Variants in ANKRD36 observed in about 807,000 individuals in gnomAD.
ANKRD36 encodes the protein ankyrin repeat domain-containing protein 36A.
ANKRD36 carries 179 observed loss-of-function variants against 278.1 expected under a neutral mutation model. The ratio of observed to expected loss-of-function variants is 0.64; its 90% CI spans 0.57 to 0.73. The LOEUF (loss-of-function observed/expected upper bound fraction) is 0.73. Among genes scored for constraint, ANKRD36 ranks in the 30% least tolerant of loss-of-function variants. The probability of loss-of-function intolerance (pLI) is 0.00; values close to 1 mark genes in which losing one functional copy is unlikely to be tolerated. For missense variants in ANKRD36, 1,159 were observed against 1,956.7 expected, an observed-to-expected ratio of 0.59 and a Z score of 7.69; for synonymous variants, 320 against 641.1, an observed-to-expected ratio of 0.50 and a Z score of 7.57.
intron 24 of ANKRD36, 62 bp from the exon 25 acceptor site, chr2:97,181,536 A>G: frequency 1.3e-6 from 2 of 1,598,832 alleles, no homozygotes; most frequent in African/African-American, 1.3e-5. Flanking sequence ...ACACTGCATG[A>G]ATGTATGGAT....
chr2:97,136,782 T>C (rs1297809351), intron 6 of ANKRD36, among the ~76,000 whole-genome samples: 1 of 152,048 alleles, frequency 6.6e-6, no homozygotes, highest in Non-Finnish European at 1.5e-5. Context: ...CTGGTTCATT[T>C]GTCCAGAAAT....
chr2:97,131,850 G>A lies in ANKRD36; in HGVS notation c.799+4716G>A, dbSNP rs558429274. On this transcript the variant is annotated intron_variant, in intron 6 of 75. Coordinates refer to ENST00000420699, the MANE Select transcript of ANKRD36 (RefSeq NM_001354587.1). ...TTATTAATAGATTTTTTTTTTTGAG[G>A]CTGAGTCTCGCTCTGTTGCCCAGGC... Among the ~76,000 whole-genome samples the A allele has an allele frequency of 9.3e-4, 141 of 151,280 alleles. No individual in the cohort carries two copies. In the South Asian group the frequency reaches 0.014, roughly 15 times the overall value.
chr2:97,150,344 G>T (rs886348228), intron 12 of ANKRD36, among the ~76,000 whole-genome samples: 10 of 151,944 alleles, frequency 6.6e-5, no homozygotes. Context: ...CTTAGTTATT[G>T]AAAAAATAAT....
intron 66 of ANKRD36, among the ~76,000 whole-genome samples, chr2:97,220,631 G>A (rs1290465822): frequency 6.7e-6 from 1 of 150,182 alleles, no homozygotes; most frequent in African/African-American, 2.5e-5. Context: ...TTTTTCTGTT[G>A]ATGTACATTT....
chr2:97,206,721 G>C (rs752833076), intron 52 of ANKRD36, among the ~76,000 whole-genome samples: 18 of 151,456 alleles, frequency 1.2e-4, no homozygotes, highest in Non-Finnish European at 2.5e-4. Context: ...GATTTTGGCT[G>C]CTTCAGGAAC....
chr2:97,125,570 T>A (rs2038364654), intron 5 of ANKRD36, among the ~76,000 whole-genome samples: 1 of 151,116 alleles, frequency 6.6e-6, no homozygotes, highest in Admixed American at 6.7e-5. Flanking sequence ...ACAGTGTTCT[T>A]CTTTATTGCT....
In ANKRD36 at chr2:97,193,716, A is replaced by G. The variant is rs905764158; in HGVS notation, c.2449+663A>G. Among the ~76,000 whole-genome samples, 10 of 151,804 alleles carry G rather than the reference A, an allele frequency of 6.6e-5. No individual in the cohort carries two copies. In the South Asian group the frequency reaches 1.0e-3, roughly 16 times the overall value. On this transcript the variant is annotated intron_variant, in intron 38 of 75. Transcript: ENST00000420699. ...ACTGACCCATTACTCCTCTGTTACT[A>G]TTAGGCATCAGAGATACATGTTTTG... is the stretch of plus-strand genomic sequence containing the variant.
In ANKRD36 at chr2:97,202,477, G is replaced by A. The variant is rs184566406; in HGVS notation, c.2959+84G>A. Reference sequence around the variant, plus strand: ...CCCCAAATAAATCAGCGGGGGGCTCGTCGAAGCTGCACTTTCTGATTCAGC... The same window carrying A: ...CCCCAAATAAATCAGCGGGGGGCTCATCGAAGCTGCACTTTCTGATTCAGC... On this transcript the variant is annotated intron_variant, in intron 48 of 75. Coordinates refer to ENST00000420699, the MANE Select transcript of ANKRD36 (RefSeq NM_001354587.1). The A allele has an allele frequency of 6.8e-4, 1,035 of 1,521,048 alleles. No homozygotes were observed. In the African/African-American group the frequency reaches 0.01, roughly 15 times the overall value. The allele number at this position is 1,521,048 out of a possible 1,614,324, so 94.2% of individuals were successfully genotyped here.
intron 4 of ANKRD36, among the ~76,000 whole-genome samples, 186 bp downstream of exon 4, chr2:97,123,179 G>A (rs1420106246): frequency 6.6e-6 from 1 of 151,782 alleles, no homozygotes; most frequent in Non-Finnish European, 1.5e-5. Context: ...GTAACATAAA[G>A]AACAGTGTAT....
intron 6 of ANKRD36, among the ~76,000 whole-genome samples, chr2:97,131,890 A>G (rs893294171): frequency 2.7e-4 from 40 of 147,624 alleles, no homozygotes; most frequent in Admixed American, 6.8e-4. Context: ...GTGCAGTGGC[A>G]CGATCTCGGC....
In ANKRD36 at chr2:97,179,756, C is replaced by G. The variant is rs914803212; in HGVS notation, c.1652C>G (p.Pro551Arg). 22 of 1,593,378 alleles carry G rather than the reference C, an allele frequency of 1.4e-5. No homozygotes were observed. Among genetic ancestry groups the G allele is most frequent in the Admixed American group, 1.2e-4 (7 of 59,086 alleles). ...TTTTCAGTGTCTTCTCAGAAACAAC[C>G]AGCTGAGAAGGTAATTAAAGTCTCA... is the stretch of plus-strand genomic sequence containing the variant. The part of the protein sequence containing the change: ...PPGKVSSQKQ[P>R]AEKATSDDKD... The change falls in exon 23 of 76, where the codon CCA becomes CGA. Residue 551 changes from proline (P) to arginine (R), a missense_variant. Pro to Arg is a moderately radical substitution (Grantham distance 103, BLOSUM62 -2). Transcript: ENST00000420699.
intron 67 of ANKRD36, among the ~76,000 whole-genome samples, chr2:97,229,523 A>G (rs2071155194): frequency 1.3e-5 from 2 of 152,130 alleles, no homozygotes; most frequent in African/African-American, 2.4e-5. Flanking sequence ...TTTTGAGTCT[A>G]TGTGTGTCTC....
chr2:97,199,048 AC>A (rs1214458012), intron 44 of ANKRD36, among the ~76,000 whole-genome samples: 1 of 151,930 alleles, frequency 6.6e-6, no homozygotes, highest in Admixed American at 6.6e-5. Flanking sequence ...TGTTGTAACA[AC>A]CCGTAGACAC....
chr2:97,217,691 G>A (rs1370837239), intron 64 of ANKRD36, among the ~76,000 whole-genome samples: 5 of 152,004 alleles, frequency 3.3e-5, no homozygotes, highest in Non-Finnish European at 4.4e-5. Context: ...TATGGAAAGG[G>A]GAAGGAGAAA....
At chr2:97,224,580 G>C (rs1481011409) in intron 66 of ANKRD36, among the ~76,000 whole-genome samples, 1 of 151,940 alleles carries the variant, frequency 6.6e-6, no homozygotes, top group Non-Finnish European at 1.5e-5. Flanking sequence ...CTCCCGACTA[G>C]CTGGGACTAC....
chr2:97,139,840 G>C (rs2042422773), intron 6 of ANKRD36, among the ~76,000 whole-genome samples: 1 of 152,030 alleles, frequency 6.6e-6, no homozygotes, highest in Non-Finnish European at 1.5e-5. Flanking sequence ...GATGGTCAAA[G>C]TGTTACTTGT....
intron 46 of ANKRD36, among the ~76,000 whole-genome samples, 189 bp downstream of exon 46, chr2:97,200,714 A>G (rs1295769244): frequency 6.6e-6 from 1 of 151,892 alleles, no homozygotes; most frequent in Non-Finnish European, 1.5e-5. Context: ...CTGTAAGATT[A>G]TACGCATCCC....
chr2:97,122,453 C>T (rs1361915924), intron 3 of ANKRD36, among the ~76,000 whole-genome samples: 19 of 142,638 alleles, frequency 1.3e-4, no homozygotes, highest in South Asian at 2.3e-4. Flanking sequence ...TAAGAAACAC[C>T]GCTCTATAGA....
intron 38 of ANKRD36, among the ~76,000 whole-genome samples, chr2:97,193,660 A>C (rs200721580): frequency 6.6e-6 from 1 of 151,684 alleles, no homozygotes. Flanking sequence ...TACTGGAAGC[A>C]GGAAACAATG....
Sources: allele counts gnomAD v4.1 joint callset (sites outside exome capture counted in the v4.1 genomes callset), GRCh38; gene constraint gnomAD v4.1.1; transcripts MANE v1.5; gene names NCBI Gene and HGNC (gene_info 2026-07-23, HGNC 2026-07-21).